The following VWC2L variants were observed in gnomAD, a reference collection of about 807,000 sequenced individuals.
The protein encoded by VWC2L is von Willebrand factor C domain-containing protein 2-like.
Under a neutral mutation model 21.6 loss-of-function variants are expected in VWC2L, and 10 were observed. The ratio of observed to expected loss-of-function variants is 0.46; its 90% CI spans 0.29 to 0.78. The LOEUF (loss-of-function observed/expected upper bound fraction) is 0.78, where lower values mean the gene tolerates loss of function less well. Ranked by LOEUF, VWC2L falls within the 30% of genes least tolerant of loss-of-function variation. The pLI is 0.10. For synonymous variants in VWC2L, 96 were observed against 94.3 expected (o/e 1.02, Z -0.10); for missense variants, 209 against 277.1 (o/e 0.75, Z 1.74).
intron 3 of VWC2L, among the ~76,000 whole-genome samples, chr2:214,487,572 G>A (rs983857768): frequency 1.3e-5 from 2 of 152,190 alleles, no homozygotes; most frequent in African/African-American, 4.8e-5. Context: ...TGTCAGGTAA[G>A]GCATTCAAGA....
intron 3 of VWC2L, among the ~76,000 whole-genome samples, chr2:214,485,743 C>T (rs1439881340): frequency 2.0e-5 from 3 of 152,184 alleles, no homozygotes; most frequent in Non-Finnish European, 4.4e-5. Context: ...TAACTATTCT[C>T]GTGGCCCTCC....
intron 3 of VWC2L, among the ~76,000 whole-genome samples, chr2:214,463,837 AT>A (rs1463724054): frequency 6.6e-6 from 1 of 151,818 alleles, no homozygotes; most frequent in Non-Finnish European, 1.5e-5. Flanking sequence ...GGCATGCTTC[AT>A]TTTTTATTCT....
At chr2:214,516,604 A>C (rs1344745901) in intron 3 of VWC2L, among the ~76,000 whole-genome samples, 1 of 151,998 alleles carries the variant, frequency 6.6e-6, no homozygotes, top group Non-Finnish European at 1.5e-5. Context: ...TCGATTATGC[A>C]TAGCTTATCG....
chr2:214,455,666 C>T (rs1178446657), intron 3 of VWC2L, among the ~76,000 whole-genome samples: 1 of 152,190 alleles, frequency 6.6e-6, no homozygotes, highest in African/African-American at 2.4e-5. Flanking sequence ...TACCCACCAA[C>T]CAACATAAGA....
chr2:214,414,525 A>T lies in VWC2L; in HGVS notation c.332A>T (p.Glu111Val). The change falls in exon 2 of 4, where the codon GAA becomes GTA. Residue 111 changes from glutamate (E) to valine (V), a missense_variant. By Grantham distance (121) the Glu-to-Val change is moderately radical (BLOSUM62 -2). Transcript: ENST00000312504. ...AATGGATGCTGTCCTGAGTGCAAAG[A>T]AGTAAAAAACTTCTGTGAATATCAC... ...EHNGCCPECK[E>V]VKNFCEYHGK... The T allele has an allele frequency of 6.2e-7, 1 of 1,613,286 alleles. No homozygotes were observed. The highest frequency in any genetic ancestry group is 8.5e-7 in the Non-Finnish European group (1 of 1,179,656).
intron 3 of VWC2L, among the ~76,000 whole-genome samples, chr2:214,543,001 GA>G (rs1237273963): frequency 6.6e-6 from 1 of 152,112 alleles, no homozygotes; most frequent in Non-Finnish European, 1.5e-5. Flanking sequence ...TAGTTCTCAT[GA>G]AAAAATCTTA....
At chr2:214,436,521 A>C (rs1048282966) in intron 2 of VWC2L, 108 bp from the exon 3 acceptor site, 4 of 1,365,886 alleles carry the variant, frequency 2.9e-6, no homozygotes, top group Non-Finnish European at 4.0e-6. Context: ...TGGAATTAAT[A>C]CAGTAAAGCC....
intron 3 of VWC2L, among the ~76,000 whole-genome samples, chr2:214,492,281 G>A (rs985390216): frequency 6.6e-6 from 1 of 152,186 alleles, no homozygotes; most frequent in East Asian, 1.9e-4. Context: ...TAGAGGTTGG[G>A]ATCAGGGATG....
At chr2:214,549,562 C>T (rs984532757) in intron 3 of VWC2L, among the ~76,000 whole-genome samples, 2 of 152,190 alleles carry the variant, frequency 1.3e-5, no homozygotes, top group East Asian at 1.9e-4. Flanking sequence ...ATCACAAGGT[C>T]GGCAGTTCTA....
At chr2:214,421,516 A>G (rs894003460) in intron 2 of VWC2L, among the ~76,000 whole-genome samples, 1 of 152,198 alleles carries the variant, frequency 6.6e-6, no homozygotes, top group Non-Finnish European at 1.5e-5. Flanking sequence ...CTGTGTGACA[A>G]GCGTGACTAC....
At chr2:214,571,798 C>T (rs903487834) in intron 3 of VWC2L, among the ~76,000 whole-genome samples, 6 of 152,064 alleles carry the variant, frequency 3.9e-5, no homozygotes, top group African/African-American at 1.4e-4. Context: ...CATTCTCTCT[C>T]TCTCTCGATT....
At chr2:214,507,397 G>C (rs1688982460) in intron 3 of VWC2L, among the ~76,000 whole-genome samples, 1 of 152,164 alleles carries the variant, frequency 6.6e-6, no homozygotes, top group African/African-American at 2.4e-5. Flanking sequence ...TGTATAGAAT[G>C]ATCAAAGAAA....
chr2:214,449,596 A>G (rs886890871), intron 3 of VWC2L, among the ~76,000 whole-genome samples: 1 of 152,220 alleles, frequency 6.6e-6, no homozygotes, highest in Non-Finnish European at 1.5e-5. Context: ...ATCCTCCAAG[A>G]ATTGCTGTGG....
At chr2:214,567,577 C>CAGAGAGAGAGAGAG (rs1197923993) in intron 3 of VWC2L, among the ~76,000 whole-genome samples, 1 of 73,702 alleles carries the variant, frequency 1.4e-5, no homozygotes, top group Non-Finnish European at 3.8e-5. Context: ...CACACACACA[C>CAGAGAGAGAGAGAG]ACACACACAC....
rs1179243708 is a variant in VWC2L at position 214,503,426 on chromosome 2, C to A, written c.520+66668C>A. Among the ~76,000 whole-genome samples, 4 of 151,554 alleles carry A rather than the reference C, an allele frequency of 2.6e-5. No homozygotes were observed. The East Asian group carries it at 7.7e-4, about 29-fold the overall frequency. ...AATATTAATATATTCATCTTGATACCAAGGCCATAGTAAAATATAATTAAT... is the reference window on the plus strand; with the variant it reads ...AATATTAATATATTCATCTTGATACAAAGGCCATAGTAAAATATAATTAAT... On this transcript the variant is annotated intron_variant, in intron 3 of 3. Coordinates refer to ENST00000312504, the MANE Select transcript of VWC2L (RefSeq NM_001080500.4).
chr2:214,472,708 T>C (rs182730213), intron 3 of VWC2L, among the ~76,000 whole-genome samples: 1 of 152,350 alleles, frequency 6.6e-6, no homozygotes, highest in African/African-American at 2.4e-5. Context: ...AGATTGCCAT[T>C]GGCACCATTC....
intron 3 of VWC2L, among the ~76,000 whole-genome samples, chr2:214,438,726 T>C (rs1009821496): frequency 6.6e-6 from 1 of 152,062 alleles, no homozygotes; most frequent in African/African-American, 2.4e-5. Flanking sequence ...CCCAAGATTA[T>C]CCTATTTCTC....
intron 3 of VWC2L, among the ~76,000 whole-genome samples, chr2:214,484,497 A>G (rs1688649487): frequency 2.0e-5 from 3 of 152,072 alleles, no homozygotes; most frequent in South Asian, 4.1e-4. Flanking sequence ...AGCTCTCCCA[A>G]TTTCCCCTAT....
intron 3 of VWC2L, among the ~76,000 whole-genome samples, chr2:214,478,603 T>A (rs983459034): frequency 6.6e-6 from 1 of 152,156 alleles, no homozygotes; most frequent in African/African-American, 2.4e-5. Flanking sequence ...CCTAGAGTTA[T>A]CTCCTCTACC....
Sources: allele counts gnomAD v4.1 joint callset (sites outside exome capture counted in the v4.1 genomes callset), GRCh38; gene constraint gnomAD v4.1.1; transcripts MANE v1.5; gene names NCBI Gene and HGNC (gene_info 2026-07-23, HGNC 2026-07-21).